TGFBI: variants seen among roughly 807,000 people sequenced by gnomAD.
TGFBI encodes the protein transforming growth factor beta induced, also known as transforming growth factor-beta-induced protein ig-h3.
TGFBI carries 50 observed loss-of-function variants against 73.7 expected under a neutral mutation model. That is an observed-to-expected ratio of 0.68 (90% CI 0.54 to 0.86). The LOEUF (loss-of-function observed/expected upper bound fraction) is 0.86, where lower values mean the gene tolerates loss of function less well. Among genes scored for constraint, TGFBI ranks in the 40% least tolerant of loss-of-function variants. TGFBI has a pLI of 0.00. For synonymous variants in TGFBI, 362 were observed against 360.5 expected, an observed-to-expected ratio of 1.00 and a Z score of -0.05; for missense variants, 839 against 877.0, an observed-to-expected ratio of 0.96 and a Z score of 0.55.
intron 2 of TGFBI, among the ~76,000 whole-genome samples, chr5:136,042,855 C>T (rs554379235): frequency 3.3e-5 from 5 of 152,196 alleles, no homozygotes; most frequent in East Asian, 1.9e-4. Flanking sequence ...TTCCCTGAGA[C>T]GACTCCATTT....
At chr5:136,042,436 CT>C (rs1228164565) in intron 2 of TGFBI, among the ~76,000 whole-genome samples, 2 of 152,214 alleles carry the variant, frequency 1.3e-5, no homozygotes, top group African/African-American at 4.8e-5. Flanking sequence ...TCTCCTGATT[CT>C]AGCACTGTTT....
Position 136,053,988 on chromosome 5 carries a change from C to A in TGFBI, c.1172C>A (p.Ala391Asp). 1 of 1,614,064 alleles carries A rather than the reference C, an allele frequency of 6.2e-7. No homozygotes were observed. The highest frequency in any genetic ancestry group is 8.5e-7 in the Non-Finnish European group (1 of 1,179,914). ...ELAAESDVSTAIDLFRQAGLG... is the reference protein window; with the variant it reads ...ELAAESDVSTDIDLFRQAGLG... ...GCTGCAGAGTCTGATGTGTCCACAG[C>A]CATTGACCTTTTCAGACAAGCCGGC... The change falls in exon 9 of 17, where the codon GCC becomes GAC. Residue 391 changes from alanine (A) to aspartate (D), a missense_variant. By Grantham distance (126) the Ala-to-Asp change is moderately radical. Transcript: ENST00000442011.
Position 136,049,517 on chromosome 5 carries a change from G to A in TGFBI, c.850G>A (p.Ala284Thr), listed in dbSNP as rs1751495316. The A allele has an allele frequency of 2.5e-6, 4 of 1,613,998 alleles. No homozygotes were observed. Among genetic ancestry groups the A allele is most frequent in the South Asian group, 1.1e-5 (1 of 91,064 alleles). ...QYTLLAPTNE[A>T]FEKIPSETLN... Reference sequence around the variant, plus strand: ...CACGCTTTTGGCCCCGACCAATGAGGCCTTCGAGAAGATCCCTAGTGAGAC... The same window carrying A: ...CACGCTTTTGGCCCCGACCAATGAGACCTTCGAGAAGATCCCTAGTGAGAC... Residue 284 changes from alanine (A) to threonine (T), a missense_variant, in exon 7 of 17, where the codon GCC (alanine) becomes ACC (threonine). Ala to Thr is a moderately conservative substitution (Grantham distance 58). Coordinates refer to ENST00000442011, the MANE Select transcript of TGFBI (RefSeq NM_000358.3).
At chr5:136,046,081 C>T in intron 3 of TGFBI, 1 of 387,528 alleles carries the variant, frequency 2.6e-6, no homozygotes, top group African/African-American at 2.0e-5. Context: ...AAGAGCTGTG[C>T]TCTGCTGTGT....
rs535754515 is a variant in TGFBI, at chr5:136,033,537, G to A, written c.135-226G>A. Among the ~76,000 whole-genome samples, 4 of 152,286 alleles carry A rather than the reference G, an allele frequency of 2.6e-5. No homozygotes were observed. The South Asian group carries it at 8.3e-4, about 32-fold the overall frequency. ...CATGAAGTTACATCAGTATGTAAGA[G>A]AGATTTTAACAATTTTTGCAGGGGA... On this transcript the variant is annotated intron_variant, in intron 1 of 16. Coordinates refer to ENST00000442011, the MANE Select transcript of TGFBI (RefSeq NM_000358.3).
intron 13 of TGFBI, 49 bp downstream of exon 13, chr5:136,059,263 C>G (rs1261387928): frequency 6.3e-7 from 1 of 1,595,840 alleles, no homozygotes; most frequent in South Asian, 1.1e-5. Context: ...CAGGGCAGGG[C>G]TCCAGGACAT....
intron 2 of TGFBI, among the ~76,000 whole-genome samples, chr5:136,043,760 G>C (rs576931589): frequency 4.3e-4 from 66 of 152,282 alleles, no homozygotes; most frequent in African/African-American, 1.6e-3. Context: ...AAAATCCTTG[G>C]TGCATTATGT....
chr5:136,036,631 T>C (rs1453491681), intron 2 of TGFBI, among the ~76,000 whole-genome samples: 1 of 152,054 alleles, frequency 6.6e-6, no homozygotes. Flanking sequence ...TTCAGTGCCA[T>C]GGGTGGTCAG....
intron 2 of TGFBI, among the ~76,000 whole-genome samples, chr5:136,041,278 A>T (rs557342766): frequency 1.3e-5 from 2 of 152,310 alleles, no homozygotes; most frequent in South Asian, 4.1e-4. Context: ...AACCAGGAAA[A>T]AGCCCTTGGC....
chr5:136,049,659 A>G (rs1196074640), intron 7 of TGFBI, 79 bp downstream of exon 7: 11 of 1,505,054 alleles, frequency 7.3e-6, no homozygotes, highest in Non-Finnish European at 9.0e-6. Context: ...TCCAAGATGA[A>G]CATACCACCT....
At chr5:136,058,514 G>C (rs530635597) in intron 12 of TGFBI, among the ~76,000 whole-genome samples, 1 of 152,300 alleles carries the variant, frequency 6.6e-6, no homozygotes, top group African/African-American at 2.4e-5. Context: ...AGATGCTGCG[G>C]AGGGAATATC....
chr5:136,060,859 A>G lies in TGFBI; in HGVS notation c.1829A>G (p.Lys610Arg). The G allele has an allele frequency of 6.2e-7, 1 of 1,602,752 alleles. No individual in the cohort carries two copies. The change falls in exon 14 of 17, where the codon AAG becomes AGG. Residue 610 changes from lysine (K) to arginine (R), a missense_variant. Coordinates refer to ENST00000442011, the MANE Select transcript of TGFBI (RefSeq NM_000358.3). ...SLKNNVVSVN[K>R]EPVAEPDIMA... is the part of the protein sequence containing the mutation. ...AAAAACAATGTGGTGAGTGTCAACA[A>G]GGAGCCTGTTGCCGAGCCTGACATC...
Position 136,054,003 on chromosome 5 carries a change from G to A in TGFBI, c.1187G>A (p.Arg396Lys). The A allele has an allele frequency of 6.2e-7, 1 of 1,614,024 alleles. No homozygotes were observed. Among genetic ancestry groups the A allele is most frequent in the South Asian group, 1.1e-5 (1 of 91,082 alleles). ...SDVSTAIDLF[R>K]QAGLGNHLSG... ...GTGTCCACAGCCATTGACCTTTTCA[G>A]ACAAGCCGGCCTCGGCAATCATCTC... Residue 396 changes from arginine to lysine, a missense_variant, in exon 9 of 17, where the codon AGA (arginine) becomes AAA (lysine). Coordinates refer to ENST00000442011, the MANE Select transcript of TGFBI (RefSeq NM_000358.3).
rs1751563970 is a variant in TGFBI, at chr5:136,052,997, T to C, written c.1004T>C (p.Leu335Pro). 1.2e-6 allele frequency: 2 copies of C among 1,614,038 alleles called. No individual in the cohort carries two copies. The highest frequency in any genetic ancestry group is 4.5e-5 in the East Asian group (2 of 44,884). Reference sequence around the variant, plus strand: ...GTAGAGACCCTGGAGGGCACGACACTGGAGGTGGGCTGCAGCGGGGACATG... The same window carrying C: ...GTAGAGACCCTGGAGGGCACGACACCGGAGGTGGGCTGCAGCGGGGACATG... ...LSVETLEGTT[L>P]EVGCSGDMLT... The change falls in exon 8 of 17, where the codon CTG becomes CCG. Residue 335 changes from leucine to proline, a missense_variant. By Grantham distance (98) the Leu-to-Pro change is moderately conservative. Coordinates refer to ENST00000442011, the MANE Select transcript of TGFBI (RefSeq NM_000358.3).
Position 136,052,934 on chromosome 5 carries a change from C to T in TGFBI, c.941C>T (p.Ser314Leu), listed in dbSNP as rs1232676702. Residue 314 changes from serine to leucine, a missense_variant, in exon 8 of 17, where the codon TCA (serine) becomes TTA (leucine). Transcript: ENST00000442011. ...RDLLNNHILK[S>L]AMCAEAIVAG... is the part of the protein sequence containing the mutation. ...CTGCTGAACAACCACATCTTGAAGT[C>T]AGCTATGTGTGCTGAAGCCATCGTT... 1 of 1,613,980 alleles carries T rather than the reference C, an allele frequency of 6.2e-7. No individual in the cohort carries two copies. The highest frequency in any genetic ancestry group is 8.5e-7 in the Non-Finnish European group (1 of 1,179,840).
Position 136,056,793 on chromosome 5 carries a change from T to G in TGFBI, c.1676T>G (p.Leu559Trp), listed in dbSNP as rs200219644. The stretch of plus-strand genomic sequence containing the variant: ...CCACCAAGAGAACGGAGCAGACTCT[T>G]GGGTAAAGACCAACTTAAGTACACG... ...ALPPRERSRL[L>W]GDAKELANIL... is the part of the protein sequence containing the mutation. The change falls in exon 12 of 17, where the codon TTG becomes TGG. Residue 559 changes from leucine to tryptophan, a missense_variant and splice_region_variant. By Grantham distance (61) the Leu-to-Trp change is moderately conservative. Transcript: ENST00000442011. 100 of 1,612,790 alleles carry G rather than the reference T, an allele frequency of 6.2e-5. No homozygotes were observed. In the African/African-American group the frequency reaches 1.0e-3, roughly 17 times the overall value.
intron 6 of TGFBI, 65 bp downstream of exon 6, chr5:136,047,485 A>T: frequency 1.3e-6 from 2 of 1,595,838 alleles, no homozygotes; most frequent in Non-Finnish European, 1.7e-6. Context: ...GGGGCCTAGC[A>T]GGAACTCTTC....
At position 136,049,329 on chromosome 5, in the gene TGFBI, T is replaced by C; in HGVS notation, c.772-110T>C. The stretch of plus-strand genomic sequence containing the variant: ...TTTGGCTTCTGTTTTCGTCTTGGGC[T>C]TCTGTGAAAGCCTCGAGCCCTTGCG... On this transcript the variant is annotated intron_variant, in intron 6 of 16. Transcript: ENST00000442011. 2.8e-6 allele frequency: 4 copies of C among 1,417,650 alleles called. No individual in the cohort carries two copies. The South Asian group carries it at 5.9e-5, about 21-fold the overall frequency. 87.8% of individuals were successfully genotyped at this position (1,417,650 alleles called of 1,614,324 possible). A position where few individuals can be genotyped will look rare whatever the true frequency, so the allele number is the denominator to read the frequency against.
chr5:136,043,724 G>A (rs1047702080), intron 2 of TGFBI, among the ~76,000 whole-genome samples: 3 of 152,164 alleles, frequency 2.0e-5, no homozygotes, highest in South Asian at 4.1e-4. Flanking sequence ...ACTCACCATC[G>A]GCTTTCCTGT....
Sources: gnomAD v4.1 joint callset for allele counts (sites outside exome capture counted in the v4.1 genomes callset) on GRCh38, gnomAD v4.1.1 for gene constraint, MANE v1.5 for transcripts, NCBI Gene and HGNC (gene_info 2026-07-23, HGNC 2026-07-21) for gene names.